The following ATF7 variants were observed in gnomAD, a reference collection of about 807,000 sequenced individuals.
ATF7 encodes the protein activating transcription factor 7.
ATF7 carries 10 observed loss-of-function variants against 50.4 expected under a neutral mutation model. The observed-to-expected ratio is 0.20, with a 90% confidence interval of 0.12 to 0.34. The LOEUF (loss-of-function observed/expected upper bound fraction) is 0.34, where lower values mean the gene tolerates loss of function less well. Ranked by LOEUF, ATF7 falls within the 10% of genes least tolerant of loss-of-function variation. The pLI is 1.00. For synonymous variants in ATF7, 201 were observed against 226.4 expected (o/e 0.89, Z 1.01); for missense variants, 465 against 613.9 (o/e 0.76, Z 2.56).
chr12:53,536,718 T>A (rs1939247512), intron 5 of ATF7, among the ~76,000 whole-genome samples: 16 of 151,930 alleles, frequency 1.1e-4, no homozygotes, highest in Admixed American at 1.0e-3. Context: ...TGAAACCCCA[T>A]CTCTACTAAA....
chr12:53,587,843 A>ATATATATATATATATTTTTTTTT, intron 2 of ATF7, among the ~76,000 whole-genome samples: 1 of 61,568 alleles, frequency 1.6e-5, no homozygotes, highest in Admixed American at 2.3e-4. Context: ...ATATATATAT[A>ATATATATATATATATTTTTTTTT]TTTTTTTTTT....
intron 3 of ATF7, among the ~76,000 whole-genome samples, chr12:53,551,025 T>G (rs1486200138): frequency 6.6e-6 from 1 of 152,240 alleles, no homozygotes; most frequent in African/African-American, 2.4e-5. Context: ...ATTAACTCAT[T>G]TAGTATTCAT....
chr12:53,566,716 C>A (rs936301091), intron 2 of ATF7, among the ~76,000 whole-genome samples: 2 of 152,170 alleles, frequency 1.3e-5, no homozygotes, highest in South Asian at 4.2e-4. Context: ...ATTCTGGACA[C>A]CTTGTGTTAT....
At chr12:53,547,451 A>G (rs1212848239) in intron 3 of ATF7, among the ~76,000 whole-genome samples, 3 of 151,286 alleles carry the variant, frequency 2.0e-5, no homozygotes, top group African/African-American at 7.3e-5. Flanking sequence ...ATGCCCAGTT[A>G]ATTTTTGTAT....
In ATF7 at chr12:53,531,728, A is replaced by C; in HGVS notation, c.927+16T>G. 1.9e-6 allele frequency: 3 copies of C among 1,604,878 alleles called. No individual in the cohort carries two copies. The highest frequency in any genetic ancestry group is 2.6e-6 in the Non-Finnish European group (3 of 1,175,888). Reference sequence around the variant, plus strand: ...TACGTCATAAAGATATGACATAAAGAGTAAGAGCCACTGACCTGTGGCTGG... The same window carrying C: ...TACGTCATAAAGATATGACATAAAGCGTAAGAGCCACTGACCTGTGGCTGG... On this transcript the variant is annotated intron_variant, in intron 9 of 11. Coordinates refer to ENST00000420353, the MANE Select transcript of ATF7 (RefSeq NM_006856.3).
chr12:53,571,687 AC>A (rs1354252426), intron 2 of ATF7, among the ~76,000 whole-genome samples: 3 of 151,666 alleles, frequency 2.0e-5, no homozygotes, highest in African/African-American at 7.3e-5. Flanking sequence ...CTGAAATATC[AC>A]CACCACAACA....
chr12:53,579,466 T>C (rs1942277803), intron 2 of ATF7, among the ~76,000 whole-genome samples: 1 of 149,498 alleles, frequency 6.7e-6, no homozygotes, highest in East Asian at 2.0e-4. Flanking sequence ...GCAGGAGAAT[T>C]GCTTGAACCC....
rs761706839 is a variant in ATF7 at position 53,517,227 on chromosome 12, G to A, written c.1362C>T (p.Leu454=). ...SAAEAVATSV[L]TQMASQRTEL... Reference sequence around the variant, plus strand: ...CTGTCCTTTGGCTGGCCATCTGAGTGAGGACCGAGGTGGCCACAGCTTCAG... The same window carrying A: ...CTGTCCTTTGGCTGGCCATCTGAGTAAGGACCGAGGTGGCCACAGCTTCAG... Residue 454 remains leucine, a synonymous_variant, in exon 12 of 12, where the codon CTC becomes CTT. Coordinates refer to ENST00000420353, the MANE Select transcript of ATF7 (RefSeq NM_006856.3). The A allele has an allele frequency of 6.2e-7, 1 of 1,614,042 alleles. No homozygotes were observed. Among genetic ancestry groups the A allele is most frequent in the South Asian group, 1.1e-5 (1 of 91,088 alleles).
intron 2 of ATF7, among the ~76,000 whole-genome samples, chr12:53,570,472 A>G (rs561617442): frequency 9.2e-4 from 140 of 152,206 alleles, no homozygotes; most frequent in Non-Finnish European, 1.5e-3. Flanking sequence ...TAGCAAATGC[A>G]GATTTCAACC....
rs369405978 is a variant in ATF7 at position 53,583,294 on chromosome 12, A to G, written c.48+17659T>C. On this transcript the variant is annotated intron_variant, in intron 2 of 11. Coordinates refer to ENST00000420353, the MANE Select transcript of ATF7 (RefSeq NM_006856.3). ...ATCAGTCGCAGCATTAGATTCTCAA[A>G]GGAGTCCCAACCCTACTGTGAACTG... Among the ~76,000 whole-genome samples the G allele has an allele frequency of 4.6e-5, 7 of 152,030 alleles. No individual in the cohort carries two copies. In the South Asian group the frequency reaches 1.5e-3, roughly 32 times the overall value.
At chr12:53,572,669 G>A (rs190570296) in intron 2 of ATF7, among the ~76,000 whole-genome samples, 7 of 152,134 alleles carry the variant, frequency 4.6e-5, no homozygotes, top group Non-Finnish European at 2.9e-5. Flanking sequence ...AGTACTGGTC[G>A]AGTAAGGTGG....
At chr12:53,551,638 C>T (rs1171327398) in intron 3 of ATF7, among the ~76,000 whole-genome samples, 1 of 152,220 alleles carries the variant, frequency 6.6e-6, no homozygotes, top group East Asian at 1.9e-4. Flanking sequence ...TGGTAAGTCC[C>T]TTTCATCATG....
chr12:53,584,228 C>G (rs938986189), intron 2 of ATF7, among the ~76,000 whole-genome samples: 19 of 152,288 alleles, frequency 1.2e-4, no homozygotes, highest in Non-Finnish European at 2.2e-4. Flanking sequence ...GTGATCCACC[C>G]GCCTTGGCCT....
chr12:53,568,411 CTCTT>C (rs1340405099), intron 2 of ATF7, among the ~76,000 whole-genome samples: 17 of 152,282 alleles, frequency 1.1e-4, no homozygotes, highest in South Asian at 6.2e-4. Context: ...CTCTCTCTCT[CTCTT>C]TCTCTCTCTC....
chr12:53,624,006 C>T (rs372773519), intron 1 of ATF7, among the ~76,000 whole-genome samples: 2 of 152,268 alleles, frequency 1.3e-5, no homozygotes, highest in East Asian at 3.9e-4. Context: ...GCAGTGTTAT[C>T]ACTCTAGCTT....
At position 53,512,702 on chromosome 12, in the gene ATF7, A is replaced by C. The variant is rs1944165781; in HGVS notation, c.*4435T>G. 1 of 152,252 alleles carries C rather than the reference A, an allele frequency of 6.6e-6. No homozygotes were observed. Among genetic ancestry groups the C allele is most frequent in the Non-Finnish European group, 1.5e-5 (1 of 68,034 alleles). 9.4% of individuals were successfully genotyped at this position (152,252 alleles called of 1,614,324 possible). ...TGGTTTTAGGGATACGACTAAAATGAAGACAAATCTAGCTTTTGAGATCAG... is the reference window on the plus strand; with the variant it reads ...TGGTTTTAGGGATACGACTAAAATGCAGACAAATCTAGCTTTTGAGATCAG... On this transcript the variant is annotated 3_prime_UTR_variant, in exon 12 of 12. Coordinates refer to ENST00000420353, the MANE Select transcript of ATF7 (RefSeq NM_006856.3).
chr12:53,590,010 C>A (rs1942876355), intron 2 of ATF7, among the ~76,000 whole-genome samples: 1 of 152,102 alleles, frequency 6.6e-6, no homozygotes, highest in Non-Finnish European at 1.5e-5. Context: ...TTCAAGCAAT[C>A]CTCCTGCCTT....
At chr12:53,579,349 A>G (rs1942271468) in intron 2 of ATF7, among the ~76,000 whole-genome samples, 1 of 151,764 alleles carries the variant, frequency 6.6e-6, no homozygotes, top group Non-Finnish European at 1.5e-5. Flanking sequence ...CCTGGCCAAA[A>G]TAGTGAAATG....
At chr12:53,555,395 T>C (rs560305864) in intron 2 of ATF7, among the ~76,000 whole-genome samples, 5 of 151,602 alleles carry the variant, frequency 3.3e-5, no homozygotes, top group Admixed American at 2.0e-4. Flanking sequence ...ATGATATTTG[T>C]AGGTTAAACA....
Sources: gnomAD v4.1 joint callset for allele counts (sites outside exome capture counted in the v4.1 genomes callset) on GRCh38, gnomAD v4.1.1 for gene constraint, MANE v1.5 for transcripts, NCBI Gene and HGNC (gene_info 2026-07-23, HGNC 2026-07-21) for gene names.